The following SAFB variants were observed in gnomAD, a reference collection of about 807,000 sequenced individuals.
SAFB encodes scaffold attachment factor B1.
A neutral mutation model predicts 101.6 loss-of-function variants in SAFB; 15 were observed. That is an observed-to-expected ratio of 0.15 (90% CI 0.10 to 0.23). The LOEUF (loss-of-function observed/expected upper bound fraction) is 0.23, where lower values mean the gene tolerates loss of function less well. SAFB is among the 10% of genes least tolerant of loss of function. The pLI is 1.00. For missense variants in SAFB, 930 were observed against 1,104.1 expected, an observed-to-expected ratio of 0.84 and a Z score of 2.23; for synonymous variants, 449 against 407.5, an observed-to-expected ratio of 1.10 and a Z score of -1.23.
At chr19:5,651,110 A>G in intron 9 of SAFB, 38 bp downstream of exon 9, 2 of 1,373,014 alleles carry the variant, frequency 1.5e-6, no homozygotes, top group Non-Finnish European at 2.1e-6. Context: ...ATACTTTGAA[A>G]CCAGCGTTGT....
At chr19:5,634,355 C>T (rs752514884) in intron 2 of SAFB, among the ~76,000 whole-genome samples, 3 of 151,960 alleles carry the variant, frequency 2.0e-5, no homozygotes, top group Non-Finnish European at 2.9e-5. Flanking sequence ...CAGGGATTTC[C>T]TCTAATTTTG....
chr19:5,624,411 C>G (rs908359257), intron 1 of SAFB, among the ~76,000 whole-genome samples: 8 of 152,268 alleles, frequency 5.3e-5, no homozygotes, highest in Middle Eastern at 3.4e-3. Flanking sequence ...ATCGGGGGCT[C>G]TAACGCCTCC....
In SAFB at chr19:5,667,638, C is replaced by T. The variant is rs1336263233; in HGVS notation, c.2558-182C>T. On this transcript the variant is annotated intron_variant, in intron 19 of 20. Transcript: ENST00000588852. The surrounding 1 kb of genome is among the most constrained non-coding windows in gnomAD (Gnocchi z 4.0). ...CCCAGGAGTTGGACAGTGGGCGTTC[C>T]CGAGTTCTCTCTGCTGGGAGGAAGC... 1 of 708,360 alleles carries T rather than the reference C, an allele frequency of 1.4e-6. No homozygotes were observed. Among genetic ancestry groups the T allele is most frequent in the African/African-American group, 1.8e-5 (1 of 55,764 alleles). 43.9% of individuals were successfully genotyped at this position (708,360 alleles called of 1,614,324 possible). A position where few individuals can be genotyped will look rare whatever the true frequency, so the allele number is the denominator to read the frequency against.
intron 6 of SAFB, chr19:5,648,479 T>C (rs2053870819): frequency 3.6e-6 from 1 of 277,430 alleles, no homozygotes; most frequent in Non-Finnish European, 6.9e-6. Flanking sequence ...GAGACATAAC[T>C]GGATTCCAGA....
chr19:5,637,630 C>T (rs547616818), intron 2 of SAFB, among the ~76,000 whole-genome samples: 136 of 152,108 alleles, frequency 8.9e-4, no homozygotes, highest in Non-Finnish European at 1.1e-3. Flanking sequence ...CATGCCACTG[C>T]ACTCCAGCCT....
intron 17 of SAFB, chr19:5,665,441 TGGTGGGGGTTTACATGA>T (rs1348685991): frequency 6.6e-6 from 1 of 151,630 alleles, no homozygotes; most frequent in Non-Finnish European, 1.5e-5. Flanking sequence ...AAGGGTGCGG[TGGTGGGGGTTTACATGA>T]GGTGGGCGCA....
intron 15 of SAFB, among the ~76,000 whole-genome samples, chr19:5,663,210 G>T (rs895526469): frequency 2.0e-5 from 3 of 149,442 alleles, no homozygotes; most frequent in African/African-American, 7.4e-5. Context: ...CACCATGTTG[G>T]CCAGGCTGTC....
chr19:5,666,835 C>T (rs1025636581), intron 17 of SAFB: 1 of 649,450 alleles, frequency 1.5e-6, no homozygotes, highest in African/African-American at 1.8e-5. Context: ...GGTACTAGTA[C>T]CTTTTTTGTA....
chr19:5,633,795 A>G (rs929145323), intron 2 of SAFB, among the ~76,000 whole-genome samples: 26 of 151,964 alleles, frequency 1.7e-4, no homozygotes, highest in African/African-American at 5.8e-4. Context: ...AAAAAAAGAA[A>G]AAAGAAACCA....
At chr19:5,652,663 G>A (rs2053965079) in intron 9 of SAFB, among the ~76,000 whole-genome samples, 2 of 152,290 alleles carry the variant, frequency 1.3e-5, no homozygotes, top group East Asian at 3.9e-4. Context: ...TACAGTCAAT[G>A]ATAGGGCAGA....
intron 2 of SAFB, among the ~76,000 whole-genome samples, chr19:5,636,601 A>G (rs188626916): frequency 8.7e-4 from 132 of 152,242 alleles, no homozygotes; most frequent in African/African-American, 3.2e-3. Context: ...ATTACAGTAC[A>G]AATAATTAGG....
chr19:5,643,807 G>A (rs2145434801), intron 4 of SAFB, among the ~76,000 whole-genome samples: 1 of 151,340 alleles, frequency 6.6e-6, no homozygotes. Flanking sequence ...AGGTTGCAGT[G>A]AGCCAGGATT....
chr19:5,635,828 A>G (rs2053583788), intron 2 of SAFB, among the ~76,000 whole-genome samples: 1 of 152,080 alleles, frequency 6.6e-6, no homozygotes, highest in Admixed American at 6.6e-5. Flanking sequence ...TGAAGAGCTG[A>G]GGTAGAAGGA....
intron 15 of SAFB, among the ~76,000 whole-genome samples, chr19:5,663,172 T>C (rs977794947): frequency 8.0e-5 from 12 of 150,860 alleles, no homozygotes; most frequent in Non-Finnish European, 1.6e-4. Flanking sequence ...CCGGCTAATT[T>C]TTTGCATTTT....
At chr19:5,661,352 C>G in intron 14 of SAFB, 166 bp from the exon 15 acceptor site, 2 of 1,251,742 alleles carry the variant, frequency 1.6e-6, no homozygotes, top group Non-Finnish European at 2.2e-6. Context: ...CTGGGCTGCT[C>G]CTGTGGGCCC....
In SAFB at chr19:5,667,409, C is replaced by A; in HGVS notation, c.2516C>A (p.Ala839Asp). ...REDDRSWQGT[A>D]DGGMMDRDHK... ...GATGACCGGTCATGGCAGGGCACGG[C>A]CGACGGGGGCATGATGGACAGGGAT... Residue 839 changes from alanine (A) to aspartate (D), a missense_variant, in exon 19 of 21, where the codon GCC becomes GAC. This residue lies in a region of SAFB where 318 missense variants were observed against 342.6 expected (regional missense o/e 0.93). Transcript: ENST00000588852. The surrounding 1 kb of genome is among the most constrained non-coding windows in gnomAD (Gnocchi z 4.0). The A allele has an allele frequency of 1.3e-6, 2 of 1,516,700 alleles. No homozygotes were observed. The highest frequency in any genetic ancestry group is 8.8e-7 in the Non-Finnish European group (1 of 1,138,092). 94.0% of individuals were successfully genotyped at this position (1,516,700 alleles called of 1,614,324 possible). A position where few individuals can be genotyped will look rare whatever the true frequency, so the allele number is the denominator to read the frequency against.
intron 14 of SAFB, among the ~76,000 whole-genome samples, chr19:5,659,571 C>G: frequency 6.6e-6 from 1 of 151,802 alleles, no homozygotes; most frequent in East Asian, 1.9e-4. Flanking sequence ...TTAGTAGAGA[C>G]GGGGTTTCAC....
At position 5,647,673 on chromosome 19, in the gene SAFB, A is replaced by C. The variant is rs117356293; in HGVS notation, c.610-343A>C. Among the ~76,000 whole-genome samples, 658 of 152,346 alleles carry C rather than the reference A, an allele frequency of 4.3e-3. 5 individuals are homozygous for C. The highest frequency in any genetic ancestry group is 7.0e-3 in the Non-Finnish European group (475 of 68,036). ...GTGAAAAAGTGACTGTTAATGTGCC[A>C]TGCATTCCTCTAGATGCTAACAGTA... On this transcript the variant is annotated intron_variant, in intron 5 of 20. Transcript: ENST00000588852.
chr19:5,656,767 TA>T (rs1294875104), intron 13 of SAFB, among the ~76,000 whole-genome samples: 1 of 151,474 alleles, frequency 6.6e-6, no homozygotes, highest in Non-Finnish European at 1.5e-5. Context: ...TTTATTTATT[TA>T]TTTTTATTTA....
Sources: gnomAD v4.1 joint callset for allele counts (sites outside exome capture counted in the v4.1 genomes callset) on GRCh38, gnomAD v4.1.1 for gene constraint, gnomAD v4.1.1 regional missense constraint, Gnocchi (gnomAD v3.1) non-coding constraint, MANE v1.5 for transcripts, NCBI Gene and HGNC (gene_info 2026-07-23, HGNC 2026-07-21) for gene names.